The following APLF variants were observed in gnomAD, a reference collection of about 807,000 sequenced individuals.
The protein encoded by APLF is aprataxin and PNK-like factor.
In APLF, 61 loss-of-function variants were observed where a neutral mutation model predicts 55.6. That is an observed-to-expected ratio of 1.10 (90% CI 0.89 to 1.36). The LOEUF (loss-of-function observed/expected upper bound fraction) is 1.36. Ranked by LOEUF, APLF falls within the 40% of genes most tolerant of loss-of-function variation. The probability of loss-of-function intolerance (pLI) is 0.00; values close to 1 mark genes in which losing one functional copy is unlikely to be tolerated. For missense variants in APLF, 611 were observed against 602.5 expected (o/e 1.01, Z -0.15); for synonymous variants, 207 against 214.8 (o/e 0.96, Z 0.32).
At chr2:68,574,627 A>G (rs1423967515) in intron 9 of APLF, among the ~76,000 whole-genome samples, 6 of 152,252 alleles carry the variant, frequency 3.9e-5, no homozygotes, top group South Asian at 2.1e-4. Context: ...TAAGAAGAAC[A>G]TGAATGTGTA....
chr2:68,489,248 A>T (rs1307515257), intron 1 of APLF, among the ~76,000 whole-genome samples: 1 of 152,200 alleles, frequency 6.6e-6, no homozygotes, highest in Non-Finnish European at 1.5e-5. Flanking sequence ...AATAGGTTTA[A>T]TTGAGTTTAT....
At chr2:68,542,533 A>G (rs1442186364) in intron 7 of APLF, among the ~76,000 whole-genome samples, 4 of 151,576 alleles carry the variant, frequency 2.6e-5, no homozygotes, top group Non-Finnish European at 4.4e-5. Flanking sequence ...CAAATGACCA[A>G]CAAGCATATT....
At chr2:68,565,153 A>T (rs1019196372) in intron 8 of APLF, among the ~76,000 whole-genome samples, 3 of 152,116 alleles carry the variant, frequency 2.0e-5, no homozygotes, top group Non-Finnish European at 2.9e-5. Flanking sequence ...TGAAAGTAAC[A>T]CTAGTTAAAA....
At chr2:68,546,196 C>A (rs1670697891) in intron 8 of APLF, among the ~76,000 whole-genome samples, 1 of 151,778 alleles carries the variant, frequency 6.6e-6, no homozygotes, top group Non-Finnish European at 1.5e-5. Context: ...GAGAAATTAA[C>A]AAATTCCTAG....
intron 1 of APLF, among the ~76,000 whole-genome samples, chr2:68,477,495 G>A (rs1675816662): frequency 6.6e-6 from 1 of 151,962 alleles, no homozygotes; most frequent in African/African-American, 2.4e-5. Context: ...AAAAAAATTA[G>A]CTAGGCATGG....
chr2:68,563,057 C>T (rs1671209763), intron 8 of APLF: 1 of 985,120 alleles, frequency 1.0e-6, no homozygotes, highest in Non-Finnish European at 1.2e-6. Flanking sequence ...AGTGAAATAG[C>T]TGGCAAAGTT....
chr2:68,563,967 C>G (rs1671230656), intron 8 of APLF, among the ~76,000 whole-genome samples: 1 of 151,978 alleles, frequency 6.6e-6, no homozygotes, highest in Non-Finnish European at 1.5e-5. Flanking sequence ...GTCTTGCCTG[C>G]TTTTTAAAGT....
chr2:68,562,781 A>G (rs931736887), intron 8 of APLF, among the ~76,000 whole-genome samples: 2 of 152,054 alleles, frequency 1.3e-5, no homozygotes, highest in African/African-American at 4.8e-5. Flanking sequence ...TGGCACTGAG[A>G]TTATGAAGGA....
Position 68,545,179 on chromosome 2 carries a change from C to A in APLF, c.1161-8C>A, listed in dbSNP as rs773149673. On this transcript the variant is annotated splice_polypyrimidine_tract_variant and splice_region_variant and intron_variant, in intron 7 of 9. Transcript: ENST00000303795. The stretch of plus-strand genomic sequence containing the variant: ...TTTTTTCTGACAGTATATTTGTCGC[C>A]CTCCTAGGAAGAATCCTGTTCATTT... 1.6e-5 allele frequency: 25 copies of A among 1,611,234 alleles called. No individual in the cohort carries two copies. In the Middle Eastern group the frequency reaches 6.6e-4, roughly 42 times the overall value.
At chr2:68,557,303 C>T (rs1324420644) in intron 8 of APLF, among the ~76,000 whole-genome samples, 2 of 152,036 alleles carry the variant, frequency 1.3e-5, no homozygotes, top group African/African-American at 4.8e-5. Context: ...TGACAAGAAA[C>T]AAAAGTCTGT....
intron 8 of APLF, among the ~76,000 whole-genome samples, chr2:68,548,496 G>A (rs1309647524): frequency 6.6e-6 from 1 of 151,636 alleles, no homozygotes; most frequent in African/African-American, 2.4e-5. Flanking sequence ...TAGTAATCAG[G>A]GACATTAGAC....
intron 5 of APLF, among the ~76,000 whole-genome samples, chr2:68,516,431 C>T (rs79487071): frequency 0.088 from 13,289 of 150,992 alleles, 672 homozygotes; most frequent in African/African-American, 0.12. Context: ...ATTATCATCA[C>T]TATTATATAT....
In APLF at chr2:68,578,850, A is replaced by G. The variant is rs1671691172; in HGVS notation, c.*828A>G. ...TTTTTGACCTCAGATGAAAGTAGCA[A>G]GTTGTTTGCCAGTTGAAAGTTCAAG... On this transcript the variant is annotated 3_prime_UTR_variant, in exon 10 of 10. Transcript: ENST00000303795. 2.0e-6 allele frequency: 2 copies of G among 985,198 alleles called. No individual in the cohort carries two copies. Among genetic ancestry groups the G allele is most frequent in the Non-Finnish European group, 2.4e-6 (2 of 829,884 alleles). The allele number at this position is 985,198 out of a possible 1,614,324, so 61.0% of individuals were successfully genotyped here. A position where few individuals can be genotyped will look rare whatever the true frequency, so the allele number is the denominator to read the frequency against.
intron 9 of APLF, 113 bp from the exon 10 acceptor site, chr2:68,577,707 A>G (rs530114238): frequency 1.2e-4 from 155 of 1,260,276 alleles, no homozygotes; most frequent in South Asian, 6.9e-4. Flanking sequence ...GTGGTAAGCT[A>G]TGCATTAATA....
intron 8 of APLF, among the ~76,000 whole-genome samples, chr2:68,557,443 G>T (rs1156335683): frequency 6.6e-6 from 1 of 152,162 alleles, no homozygotes; most frequent in Non-Finnish European, 1.5e-5. Context: ...CAAGCTGCAA[G>T]ATAATGATTT....
intron 8 of APLF, among the ~76,000 whole-genome samples, chr2:68,565,815 A>G (rs1367412477): frequency 6.6e-6 from 1 of 152,112 alleles, no homozygotes; most frequent in African/African-American, 2.4e-5. Flanking sequence ...ATAGACTCAT[A>G]AAGGAATTTA....
chr2:68,562,677 C>T (rs1414870191), intron 8 of APLF, among the ~76,000 whole-genome samples: 1 of 151,868 alleles, frequency 6.6e-6, no homozygotes, highest in African/African-American at 2.4e-5. Context: ...GAAGAATATA[C>T]TTGGCAAAAA....
intron 6 of APLF, among the ~76,000 whole-genome samples, chr2:68,527,441 C>T (rs1670096120): frequency 6.6e-6 from 1 of 151,184 alleles, no homozygotes; most frequent in African/African-American, 2.4e-5. Flanking sequence ...GTGCTCGTCA[C>T]TTCCCAGATG....
chr2:68,479,386 A>C (rs1675882177), intron 1 of APLF, among the ~76,000 whole-genome samples: 1 of 152,246 alleles, frequency 6.6e-6, no homozygotes, highest in African/African-American at 2.4e-5. Context: ...AAGCCAATCA[A>C]ATAAATTATG....
Sources: gnomAD v4.1 joint callset for allele counts (sites outside exome capture counted in the v4.1 genomes callset) on GRCh38, gnomAD v4.1.1 for gene constraint, MANE v1.5 for transcripts, NCBI Gene and HGNC (gene_info 2026-07-23, HGNC 2026-07-21) for gene names.